ASPG: variants seen among roughly 807,000 people sequenced by gnomAD.
ASPG encodes the protein 60 kDa lysophospholipase.
In ASPG, 53 loss-of-function variants were observed where a neutral mutation model predicts 63.2. The ratio of observed to expected loss-of-function variants is 0.84; its 90% CI spans 0.67 to 1.05. The LOEUF (loss-of-function observed/expected upper bound fraction) is 1.05, where lower values mean the gene tolerates loss of function less well. ASPG is among the 50% of genes least tolerant of loss of function. The pLI is 0.00. For missense variants in ASPG, 741 were observed against 794.4 expected (o/e 0.93, Z 0.81); for synonymous variants, 370 against 355.0 (o/e 1.04, Z -0.48).
At position 104,104,244 on chromosome 14, in the gene ASPG, T is replaced by C. The variant is rs903513572; in HGVS notation, c.754-60T>C. 1.0e-5 allele frequency: 16 copies of C among 1,538,144 alleles called. No individual in the cohort carries two copies. In the East Asian group the frequency reaches 3.5e-4, roughly 34 times the overall value. On this transcript the variant is annotated intron_variant, in intron 7 of 15. Coordinates refer to ENST00000551177, the MANE Select transcript of ASPG (RefSeq NM_001080464.3). The stretch of plus-strand genomic sequence containing the variant: ...TCTCCTTGGGAGGGCATGGGGCGAG[T>C]CTCAGTGGTGCTGAGGGCAGAGACC...
At chr14:104,087,916 G>T (rs1449610155) in intron 1 of ASPG, among the ~76,000 whole-genome samples, 1 of 152,200 alleles carries the variant, frequency 6.6e-6, no homozygotes, top group Non-Finnish European at 1.5e-5. Context: ...GAAATTGGGT[G>T]TGGGGCGTCA....
chr14:104,105,190 C>G, intron 9 of ASPG, 138 bp from the exon 10 acceptor site: 1 of 1,376,730 alleles, frequency 7.3e-7, no homozygotes. Context: ...CGCTCTGGCC[C>G]GAGGGATGAA....
intron 4 of ASPG, 56 bp from the exon 5 acceptor site, chr14:104,097,498 A>T: frequency 1.3e-6 from 2 of 1,495,284 alleles, no homozygotes; most frequent in Non-Finnish European, 1.8e-6. Flanking sequence ...GATGAGCCAG[A>T]CATCCCAGGC....
At chr14:104,094,143 C>A (rs2036491203) in intron 3 of ASPG, among the ~76,000 whole-genome samples, 1 of 151,960 alleles carries the variant, frequency 6.6e-6, no homozygotes, top group African/African-American at 2.4e-5. Flanking sequence ...TCCTCTCCCC[C>A]ATGCAAGCTG....
In ASPG at chr14:104,094,759, C is replaced by T. The variant is rs975836808; in HGVS notation, c.304-772C>T. Among the ~76,000 whole-genome samples, 5 of 152,236 alleles carry T rather than the reference C, an allele frequency of 3.3e-5. No homozygotes were observed. The South Asian group carries it at 1.0e-3, about 31-fold the overall frequency. ...GCGGTCCTTGCTGCAGGGAGCAGCC[C>T]TGGGCAGCCTCACAAAGGCCTTCTC... On this transcript the variant is annotated intron_variant, in intron 3 of 15. Coordinates refer to ENST00000551177, the MANE Select transcript of ASPG (RefSeq NM_001080464.3).
chr14:104,104,693 T>A lies in ASPG; in HGVS notation c.1008T>A (p.Tyr336Ter). The A allele has an allele frequency of 6.2e-7, 1 of 1,610,078 alleles. No homozygotes were observed. Among genetic ancestry groups the A allele is most frequent in the Non-Finnish European group, 8.5e-7 (1 of 1,178,080 alleles). Residue 336 changes from tyrosine (Y) to a stop codon, truncating the protein, a stop_gained, in exon 9 of 16, where the codon TAT becomes TAA. Coordinates refer to ENST00000551177, the MANE Select transcript of ASPG (RefSeq NM_001080464.3). LOFTEE classifies it high-confidence loss of function. Reference protein sequence around the residue: ...TSEAALAKLSYVLGQPGLSLD... With the variant: ...TSEAALAKLS ...AGGCCGCCCTGGCCAAGCTATCGTA[T>A]GTGCTGGGCCAGCCAGGGCTGAGCC...
chr14:104,088,861 C>G (rs1160092430), intron 1 of ASPG, among the ~76,000 whole-genome samples: 1 of 152,156 alleles, frequency 6.6e-6, no homozygotes, highest in Non-Finnish European at 1.5e-5. Flanking sequence ...CACCAGCAAA[C>G]TCAGGCACCT....
In ASPG at chr14:104,098,846, C is replaced by A; in HGVS notation, c.514-7C>A. The A allele has an allele frequency of 6.2e-7, 1 of 1,612,580 alleles. No homozygotes were observed. Among genetic ancestry groups the A allele is most frequent in the Non-Finnish European group, 8.5e-7 (1 of 1,179,532 alleles). The stretch of plus-strand genomic sequence containing the variant: ...CTGCTCTGAACTCTGTCGCTCCGTT[C>A]CCGCAGGTCTGCCTTTTCTTCCAGA... On this transcript the variant is annotated splice_polypyrimidine_tract_variant and splice_region_variant and intron_variant, in intron 5 of 15. Coordinates refer to ENST00000551177, the MANE Select transcript of ASPG (RefSeq NM_001080464.3).
chr14:104,086,364 G>A (rs1322022576), intron 1 of ASPG, among the ~76,000 whole-genome samples: 6 of 152,304 alleles, frequency 3.9e-5, no homozygotes, highest in Non-Finnish European at 2.9e-5. Flanking sequence ...GGGGACGCAC[G>A]TGTTCACACC....
At chr14:104,087,417 G>T (rs780940174) in intron 1 of ASPG, among the ~76,000 whole-genome samples, 21 of 152,234 alleles carry the variant, frequency 1.4e-4, no homozygotes, top group Non-Finnish European at 2.6e-4. Context: ...CCCTGTAGGG[G>T]CTGTGGGCTG....
At position 104,103,668 on chromosome 14, in the gene ASPG, C is replaced by A. The variant is rs188647060; in HGVS notation, c.746C>A (p.Ala249Asp). Residue 249 changes from alanine to aspartate, a missense_variant, in exon 7 of 16, where the codon GCC becomes GAC. Physicochemically the swap from Ala to Asp is moderately radical, Grantham distance 126 (BLOSUM62 -2). Coordinates refer to ENST00000551177, the MANE Select transcript of ASPG (RefSeq NM_001080464.3). ...GLLRLYPGIP[A>D]ALVRAFLQPP... is the part of the protein sequence containing the mutation. ...CTGCGCCTCTACCCTGGGATCCCTG[C>A]CGCCCTGGTAGGGACCGCCCCGGCC... 4.5e-6 allele frequency: 7 copies of A among 1,547,584 alleles called. No homozygotes were observed. The highest frequency in any genetic ancestry group is 6.1e-6 in the Non-Finnish European group (7 of 1,146,480).
intron 11 of ASPG, 70 bp from the exon 12 acceptor site, chr14:104,107,112 A>G (rs918265453): frequency 6.6e-7 from 1 of 1,504,218 alleles, no homozygotes; most frequent in Admixed American, 2.2e-5. Context: ...GAGGGACCCC[A>G]CCCTCCCCAT....
At chr14:104,105,557 C>T in intron 10 of ASPG, 107 bp downstream of exon 10, 1 of 1,409,672 alleles carries the variant, frequency 7.1e-7, no homozygotes, top group Admixed American at 2.7e-5. Flanking sequence ...ATCACTCGAG[C>T]CCAAACAGTT....
chr14:104,108,439 G>C (rs116374868), intron 12 of ASPG: 2 of 985,272 alleles, frequency 2.0e-6, no homozygotes, highest in East Asian at 2.3e-4. Flanking sequence ...TCCCAGCCTC[G>C]CTCCGCTGCC....
chr14:104,093,681 G>A (rs2036461110), intron 3 of ASPG, 79 bp downstream of exon 3: 1 of 1,080,208 alleles, frequency 9.3e-7, no homozygotes, highest in Middle Eastern at 3.2e-4. Context: ...TGTGGTGTGT[G>A]GGTGGGGCTG....
intron 10 of ASPG, 57 bp downstream of exon 10, chr14:104,105,507 C>A: frequency 1.3e-6 from 2 of 1,493,474 alleles, no homozygotes; most frequent in South Asian, 2.7e-5. Flanking sequence ...CCCTCTTGGT[C>A]ACCCTGGGAT....
rs1309574106 is a variant in ASPG, at chr14:104,109,841, C to A, written c.1520+526C>A. Among the ~76,000 whole-genome samples, 1 of 152,094 alleles carries A rather than the reference C, an allele frequency of 6.6e-6. No homozygotes were observed. The highest frequency in any genetic ancestry group is 1.5e-5 in the Non-Finnish European group (1 of 68,010). On this transcript the variant is annotated intron_variant, in intron 13 of 15. Coordinates refer to ENST00000551177, the MANE Select transcript of ASPG (RefSeq NM_001080464.3). This position sits in a 1 kb window ranked among gnomAD's most constrained non-coding sequence, Gnocchi z 4.8. The stretch of plus-strand genomic sequence containing the variant: ...CCTCCACCTGCTGGCCGCATGGCAC[C>A]AGTGGCCAGTGTGCCTTCCGATCTC...
At chr14:104,107,149 C>T (rs749878340) in intron 11 of ASPG, 33 bp from the exon 12 acceptor site, 20 of 1,532,320 alleles carry the variant, frequency 1.3e-5, no homozygotes, top group Non-Finnish European at 1.7e-5. Context: ...CCTGGGTCTC[C>T]CTCAGGGGTC....
At chr14:104,088,821 G>A (rs1048785674) in intron 1 of ASPG, among the ~76,000 whole-genome samples, 7 of 152,126 alleles carry the variant, frequency 4.6e-5, no homozygotes, top group Admixed American at 1.3e-4. Flanking sequence ...CTTTCCAGGT[G>A]TTTGGCAGGG....
Sources: gnomAD v4.1 joint callset for allele counts (sites outside exome capture counted in the v4.1 genomes callset) on GRCh38, gnomAD v4.1.1 for gene constraint, Gnocchi (gnomAD v3.1) non-coding constraint, MANE v1.5 for transcripts, NCBI Gene and HGNC (gene_info 2026-07-23, HGNC 2026-07-21) for gene names.